The following LRRTM4 variants were observed in gnomAD, a reference collection of about 807,000 sequenced individuals.
The protein encoded by LRRTM4 is leucine rich repeat transmembrane neuronal 4.
In LRRTM4, 25 loss-of-function variants were observed where a neutral mutation model predicts 47.6. The ratio of observed to expected loss-of-function variants is 0.53; its 90% CI spans 0.38 to 0.73. LRRTM4 has a LOEUF of 0.73. Ranked by LOEUF, LRRTM4 falls within the 30% of genes least tolerant of loss-of-function variation. LRRTM4 has a pLI of 0.00. For missense variants in LRRTM4, 638 were observed against 713.4 expected (o/e 0.89, Z 1.20); for synonymous variants, 311 against 269.5 (o/e 1.15, Z -1.51).
At position 77,098,946 on chromosome 2, in the gene LRRTM4, G is replaced by A. The variant is rs370363258; in HGVS notation, c.1552-350030C>T. Reference sequence around the variant, plus strand: ...ATGAGACTCCATTTCACATCTATTAGGTTGGCAATAATATAAAAGTCTGAA... The same window carrying A: ...ATGAGACTCCATTTCACATCTATTAAGTTGGCAATAATATAAAAGTCTGAA... On this transcript the variant is annotated intron_variant, in intron 3 of 3. Coordinates refer to ENST00000409884, the MANE Select transcript of LRRTM4 (RefSeq NM_001134745.3). 1.1e-3 allele frequency among the ~76,000 whole-genome samples: 160 copies of A among 152,054 alleles called. 2 individuals are homozygous for A. The highest frequency in any genetic ancestry group is 3.4e-3 in the Middle Eastern group (1 of 292).
rs560267755 is a variant in LRRTM4, at chr2:76,775,414, G to C, written c.1552-26498C>G. ...GCAAGTAGACCATGTAGATGCCTTT[G>C]GTGCTGAACTCATGAGGCTCTGGGC... is the stretch of plus-strand genomic sequence containing the variant. On this transcript the variant is annotated intron_variant, in intron 3 of 3. Transcript: ENST00000409884. Among the ~76,000 whole-genome samples, 3 of 152,200 alleles carry C rather than the reference G, an allele frequency of 2.0e-5. No individual in the cohort carries two copies. In the South Asian group the frequency reaches 6.2e-4, roughly 32 times the overall value.
At chr2:76,865,042 A>G (rs1397640637) in intron 3 of LRRTM4, among the ~76,000 whole-genome samples, 2 of 152,002 alleles carry the variant, frequency 1.3e-5, no homozygotes, top group Non-Finnish European at 2.9e-5. Flanking sequence ...ATTGAAGGAG[A>G]AAACCATTAC....
intron 3 of LRRTM4, among the ~76,000 whole-genome samples, chr2:77,019,328 T>C (rs1180736228): frequency 6.6e-6 from 1 of 151,494 alleles, no homozygotes; most frequent in African/African-American, 2.4e-5. Context: ...TCTTTGCCAT[T>C]GTTAAGCCCT....
rs1053244340 is a variant in LRRTM4 at position 77,367,303 on chromosome 2, A to T, written c.1551+151015T>A. Among the ~76,000 whole-genome samples, 3 of 151,530 alleles carry T rather than the reference A, an allele frequency of 2.0e-5. No individual in the cohort carries two copies. The Admixed American group carries it at 2.0e-4, about 10-fold the overall frequency. On this transcript the variant is annotated intron_variant, in intron 3 of 3. Coordinates refer to ENST00000409884, the MANE Select transcript of LRRTM4 (RefSeq NM_001134745.3). ...TTATTTGATTTTTTTAATGTCACTT[A>T]CTAGATAATAAGCTACATGAAAGCA... is the stretch of plus-strand genomic sequence containing the variant.
At chr2:77,399,167 C>CTT (rs568671038) in intron 3 of LRRTM4, among the ~76,000 whole-genome samples, 108 of 136,694 alleles carry the variant, frequency 7.9e-4, no homozygotes, top group Middle Eastern at 3.9e-3. Flanking sequence ...AACAGCAGGG[C>CTT]TTTTTTTTTT....
intron 3 of LRRTM4, among the ~76,000 whole-genome samples, chr2:76,754,171 G>A (rs975385970): frequency 6.6e-6 from 1 of 152,136 alleles, no homozygotes; most frequent in Non-Finnish European, 1.5e-5. Flanking sequence ...GCTTAATGAA[G>A]ATAGACACTT....
intron 3 of LRRTM4, among the ~76,000 whole-genome samples, chr2:76,784,089 A>C (rs1220080822): frequency 6.6e-6 from 1 of 152,120 alleles, no homozygotes. Flanking sequence ...TTTTGAGCTA[A>C]AACAATCCCC....
intron 3 of LRRTM4, among the ~76,000 whole-genome samples, chr2:76,971,176 T>C (rs1011285279): frequency 7.2e-5 from 11 of 152,014 alleles, no homozygotes; most frequent in African/African-American, 2.7e-4. Flanking sequence ...AGACTCTTAA[T>C]AGAAGATGTT....
intron 3 of LRRTM4, among the ~76,000 whole-genome samples, chr2:76,863,348 TTAATA>T (rs577261569): frequency 1.9e-4 from 29 of 152,332 alleles, no homozygotes; most frequent in African/African-American, 4.1e-4. Flanking sequence ...TTTTGGATTC[TTAATA>T]TAATATAATG....
intron 3 of LRRTM4, among the ~76,000 whole-genome samples, chr2:77,423,428 G>A (rs1053259878): frequency 6.6e-6 from 1 of 152,002 alleles, no homozygotes; most frequent in East Asian, 1.9e-4. Flanking sequence ...AATGCATTTG[G>A]TAACAAAAAA....
intron 3 of LRRTM4, among the ~76,000 whole-genome samples, chr2:77,103,307 C>T (rs1254025722): frequency 6.6e-6 from 1 of 152,074 alleles, no homozygotes; most frequent in Non-Finnish European, 1.5e-5. Context: ...CTCAAAGATA[C>T]AACAGATATG....
At chr2:77,361,123 T>C (rs1031723264) in intron 3 of LRRTM4, among the ~76,000 whole-genome samples, 1 of 152,106 alleles carries the variant, frequency 6.6e-6, no homozygotes, top group Admixed American at 6.6e-5. Flanking sequence ...ATGTCCCTAG[T>C]TGGTTCTTTA....
At chr2:76,927,558 T>C (rs187563424) in intron 3 of LRRTM4, among the ~76,000 whole-genome samples, 41 of 152,248 alleles carry the variant, frequency 2.7e-4, no homozygotes, top group African/African-American at 8.7e-4. Flanking sequence ...TTTCCAAAAG[T>C]CATGTATGTA....
intron 3 of LRRTM4, among the ~76,000 whole-genome samples, chr2:76,874,715 A>G (rs1672730528): frequency 6.6e-6 from 1 of 151,812 alleles, no homozygotes; most frequent in Non-Finnish European, 1.5e-5. Context: ...ACTGTTTTTC[A>G]TGACTTCTTC....
At chr2:77,082,446 A>G (rs1193185096) in intron 3 of LRRTM4, among the ~76,000 whole-genome samples, 2 of 152,150 alleles carry the variant, frequency 1.3e-5, no homozygotes, top group Non-Finnish European at 2.9e-5. Flanking sequence ...AAATAAATTT[A>G]GAAACAACGT....
At chr2:77,482,628 G>A (rs1677751456) in intron 3 of LRRTM4, among the ~76,000 whole-genome samples, 1 of 152,036 alleles carries the variant, frequency 6.6e-6, no homozygotes, top group African/African-American at 2.4e-5. Flanking sequence ...TTAGATATTA[G>A]TTGACATGAA....
intron 3 of LRRTM4, among the ~76,000 whole-genome samples, chr2:77,094,496 CAG>C (rs1358273829): frequency 6.6e-6 from 1 of 151,926 alleles, no homozygotes; most frequent in Non-Finnish European, 1.5e-5. Flanking sequence ...AAATAACAAG[CAG>C]AGAGTATAAC....
At chr2:77,035,062 AATT>A (rs1375627282) in intron 3 of LRRTM4, among the ~76,000 whole-genome samples, 2 of 151,470 alleles carry the variant, frequency 1.3e-5, no homozygotes, top group African/African-American at 2.4e-5. Context: ...TTTTTTTCTT[AATT>A]ATTGTTTTTT....
chr2:77,410,385 T>C (rs1417656857), intron 3 of LRRTM4, among the ~76,000 whole-genome samples: 2 of 152,150 alleles, frequency 1.3e-5, no homozygotes, highest in African/African-American at 4.8e-5. Flanking sequence ...CACTGGTACT[T>C]GAAACCCCTG....
Sources: gnomAD v4.1 joint callset for allele counts (sites outside exome capture counted in the v4.1 genomes callset) on GRCh38, gnomAD v4.1.1 for gene constraint, MANE v1.5 for transcripts, NCBI Gene and HGNC (gene_info 2026-07-23, HGNC 2026-07-21) for gene names.